Variants in PSD3 observed in about 807,000 individuals in gnomAD.
PSD3 encodes PH and SEC7 domain-containing protein 3.
In PSD3, 49 loss-of-function variants were observed where a neutral mutation model predicts 105.5. That is an observed-to-expected ratio of 0.46 (90% CI 0.37 to 0.59). The LOEUF (loss-of-function observed/expected upper bound fraction) is 0.59, where lower values mean the gene tolerates loss of function less well. Ranked by LOEUF, PSD3 falls within the 20% of genes least tolerant of loss-of-function variation. The pLI is 0.00. For missense variants in PSD3, 1,561 were observed against 1,263.8 expected, an observed-to-expected ratio of 1.24 and a Z score of -3.57; for synonymous variants, 557 against 457.8, an observed-to-expected ratio of 1.22 and a Z score of -2.77.
chr8:18,734,686 T>C (rs981510014), intron 9 of PSD3, among the ~76,000 whole-genome samples: 2 of 152,232 alleles, frequency 1.3e-5, no homozygotes, highest in Non-Finnish European at 2.9e-5. Flanking sequence ...TGTTGGCTAC[T>C]GTTTTCTAAA....
chr8:18,646,337 T>A (rs1193163787), intron 10 of PSD3, among the ~76,000 whole-genome samples: 4 of 152,296 alleles, frequency 2.6e-5, no homozygotes, highest in South Asian at 4.1e-4. Context: ...ATTTTATATA[T>A]CTATATTCAC....
chr8:18,560,079 CA>C (rs1370141041), intron 14 of PSD3, among the ~76,000 whole-genome samples: 7 of 151,922 alleles, frequency 4.6e-5, no homozygotes, highest in African/African-American at 1.7e-4. Context: ...CCATTTTGAA[CA>C]GTGAAATAGA....
intron 9 of PSD3, among the ~76,000 whole-genome samples, chr8:18,757,446 A>T (rs1806147865): frequency 6.6e-6 from 1 of 152,116 alleles, no homozygotes; most frequent in Non-Finnish European, 1.5e-5. Context: ...CCTGGGCAAC[A>T]AGGCAAGACT....
chr8:18,963,406 C>G (rs762836291), intron 1 of PSD3, among the ~76,000 whole-genome samples: 1 of 152,184 alleles, frequency 6.6e-6, no homozygotes. Flanking sequence ...AATACCAGAG[C>G]CTCTGACGTT....
At chr8:19,009,814 C>T (rs2129475237) in intron 1 of PSD3, among the ~76,000 whole-genome samples, 1 of 145,722 alleles carries the variant, frequency 6.9e-6, no homozygotes, top group Non-Finnish European at 1.5e-5. Context: ...TTGCTTGAGT[C>T]TGAGAGGCAG....
At position 18,533,656 on chromosome 8, in the gene PSD3, C is replaced by T. The variant is rs1799716717; in HGVS notation, c.*2087G>A. 1 of 152,300 alleles carries T rather than the reference C, an allele frequency of 6.6e-6. No individual in the cohort carries two copies. The highest frequency in any genetic ancestry group is 1.5e-5 in the Non-Finnish European group (1 of 68,022). The allele number at this position is 152,300 out of a possible 1,614,324, so 9.4% of individuals were successfully genotyped here. A position where few individuals can be genotyped will look rare whatever the true frequency, so the allele number is the denominator to read the frequency against. On this transcript the variant is annotated 3_prime_UTR_variant, in exon 16 of 16. Coordinates refer to ENST00000327040, the MANE Select transcript of PSD3 (RefSeq NM_015310.4). ...AGGGAAGTTCCTTTTTCTTTAGTTA[C>T]TGAAGCTTGTAGATGACATGGTCTA...
At chr8:19,030,244 T>C (rs1827717827) in intron 1 of PSD3, among the ~76,000 whole-genome samples, 1 of 152,244 alleles carries the variant, frequency 6.6e-6, no homozygotes, top group South Asian at 2.1e-4. Context: ...ATTTTTCTTT[T>C]TTATGCTGTA....
At chr8:18,791,932 C>T (rs1348256692) in intron 8 of PSD3, among the ~76,000 whole-genome samples, 1 of 152,108 alleles carries the variant, frequency 6.6e-6, no homozygotes, top group African/African-American at 2.4e-5. Context: ...AGACACTTCT[C>T]AAAAGACATA....
chr8:19,002,960 C>G (rs1030935676), intron 1 of PSD3, among the ~76,000 whole-genome samples: 1 of 151,988 alleles, frequency 6.6e-6, no homozygotes, highest in Non-Finnish European at 1.5e-5. Flanking sequence ...AATTCCAGTT[C>G]CCACTCAGCT....
chr8:18,944,886 C>A (rs1178579251), intron 1 of PSD3, among the ~76,000 whole-genome samples: 1 of 152,158 alleles, frequency 6.6e-6, no homozygotes, highest in Non-Finnish European at 1.5e-5. Flanking sequence ...CTTTCTCACG[C>A]CACAGAATGT....
At chr8:18,705,299 G>A (rs745390787) in intron 9 of PSD3, among the ~76,000 whole-genome samples, 28 of 152,156 alleles carry the variant, frequency 1.8e-4, no homozygotes, top group Middle Eastern at 3.4e-3. Context: ...AGGCCAAGCC[G>A]GGTGGACTGC....
chr8:19,022,179 T>A (rs193170673), intron 1 of PSD3, among the ~76,000 whole-genome samples: 7 of 152,292 alleles, frequency 4.6e-5, no homozygotes, highest in Non-Finnish European at 7.4e-5. Flanking sequence ...AGGAGGATAG[T>A]GCTAAGCCAT....
chr8:18,571,505 C>A (rs1273881621), intron 14 of PSD3, among the ~76,000 whole-genome samples: 2 of 152,306 alleles, frequency 1.3e-5, no homozygotes, highest in Non-Finnish European at 1.5e-5. Flanking sequence ...CTCCACAGCT[C>A]TCTGGACTTA....
At chr8:18,564,980 T>G (rs17116567) in intron 14 of PSD3, among the ~76,000 whole-genome samples, 1 of 152,058 alleles carries the variant, frequency 6.6e-6, no homozygotes, top group African/African-American at 2.4e-5. Context: ...AAAAAAGACC[T>G]AGATATCAGG....
intron 6 of PSD3, among the ~76,000 whole-genome samples, chr8:18,802,556 A>T (rs1354419299): frequency 2.0e-5 from 3 of 152,194 alleles, no homozygotes; most frequent in Non-Finnish European, 4.4e-5. Flanking sequence ...TGCAAGGCAA[A>T]AATACAGATC....
At chr8:18,547,923 T>C (rs1303949534) in intron 15 of PSD3, among the ~76,000 whole-genome samples, 1 of 152,184 alleles carries the variant, frequency 6.6e-6, no homozygotes, top group Non-Finnish European at 1.5e-5. Context: ...CTTATTACAG[T>C]CTATGATGCA....
intron 8 of PSD3, among the ~76,000 whole-genome samples, chr8:18,774,291 G>C (rs1807822354): frequency 1.3e-5 from 2 of 152,080 alleles, no homozygotes; most frequent in South Asian, 2.1e-4. Flanking sequence ...GTGATATCTT[G>C]ATATATGTAT....
Position 19,073,843 on chromosome 8 carries a change from T to C in PSD3, c.324+10363A>G, listed in dbSNP as rs566650025. 3.5e-4 allele frequency among the ~76,000 whole-genome samples: 53 copies of C among 151,124 alleles called. No individual in the cohort carries two copies. In the South Asian group the frequency reaches 0.01, roughly 30 times the overall value. On this transcript the variant is annotated intron_variant, in intron 1 of 1. Coordinates refer to the PSD3 transcript ENST00000521475. ...TCTCGCTCTGTCGCCCAGGCTGGAGTGCAGTGGTAGGATCTCGGCTCACTG... is the reference window on the plus strand; with the variant it reads ...TCTCGCTCTGTCGCCCAGGCTGGAGCGCAGTGGTAGGATCTCGGCTCACTG...
intron 12 of PSD3, among the ~76,000 whole-genome samples, chr8:18,577,619 C>CT (rs59850057): frequency 0.86 from 131,443 of 152,090 alleles, 57,310 homozygotes; most frequent in East Asian, 0.99. Context: ...CTTCTTTATC[C>CT]GTTTAATGCT....
Sources: allele counts gnomAD v4.1 joint callset (sites outside exome capture counted in the v4.1 genomes callset), GRCh38; gene constraint gnomAD v4.1.1; transcripts MANE v1.5; gene names NCBI Gene and HGNC (gene_info 2026-07-23, HGNC 2026-07-21).